RNF217: variants seen among roughly 807,000 people sequenced by gnomAD.
RNF217 encodes the protein ring finger protein 217.
Under a neutral mutation model 57.8 loss-of-function variants are expected in RNF217, and 31 were observed. That is an observed-to-expected ratio of 0.54 (90% CI 0.40 to 0.72). RNF217 has a LOEUF of 0.72. Ranked by LOEUF, RNF217 falls within the 30% of genes least tolerant of loss-of-function variation. The pLI is 0.00. For missense variants in RNF217, 696 were observed against 708.3 expected (o/e 0.98, Z 0.20); for synonymous variants, 313 against 294.0 (o/e 1.06, Z -0.66).
intron 1 of RNF217, among the ~76,000 whole-genome samples, chr6:125,034,555 A>T (rs1181408387): frequency 2.0e-5 from 3 of 151,950 alleles, no homozygotes; most frequent in Non-Finnish European, 4.4e-5. Context: ...ATTGATCTAT[A>T]TCTCTGTTTT....
At chr6:125,052,331 T>TGG (rs553439058) in intron 2 of RNF217, among the ~76,000 whole-genome samples, 4 of 139,364 alleles carry the variant, frequency 2.9e-5, no homozygotes, top group African/African-American at 1.3e-4. Flanking sequence ...GTTTTATTTG[T>TGG]TTTGTTTTGT....
At chr6:125,041,142 A>AATATATATAGC (rs952617887) in intron 1 of RNF217, among the ~76,000 whole-genome samples, 5 of 152,140 alleles carry the variant, frequency 3.3e-5, no homozygotes, top group Non-Finnish European at 7.4e-5. Context: ...ATTAATATAT[A>AATATATATAGC]TTGATCTGTA....
intron 1 of RNF217, among the ~76,000 whole-genome samples, chr6:124,997,199 G>A (rs943252962): frequency 6.6e-6 from 1 of 152,202 alleles, no homozygotes; most frequent in Non-Finnish European, 1.5e-5. Flanking sequence ...TGTTCTGTGT[G>A]ATGATTGAAA....
chr6:125,006,841 C>T (rs768213974), intron 1 of RNF217, among the ~76,000 whole-genome samples: 12 of 152,240 alleles, frequency 7.9e-5, no homozygotes, highest in African/African-American at 2.4e-4. Context: ...CCCAACTACT[C>T]GGGAGGCTGA....
intron 1 of RNF217, among the ~76,000 whole-genome samples, chr6:124,966,711 G>A (rs1449412492): frequency 1.3e-5 from 2 of 152,300 alleles, no homozygotes; most frequent in African/African-American, 4.8e-5. Context: ...TTTTGTAAAA[G>A]GAGATGCACA....
In RNF217 at chr6:125,058,119, T is replaced by G. The variant is rs2114587111; in HGVS notation, c.1281+13T>G. 1.9e-6 allele frequency: 3 copies of G among 1,600,510 alleles called. No homozygotes were observed. In the East Asian group the frequency reaches 6.7e-5, roughly 36 times the overall value. On this transcript the variant is annotated intron_variant, in intron 3 of 5. Transcript: ENST00000521654. ...TCCAAAGTGCAAGGTGAGATAACTT[T>G]TAGGAGGAAAAGAAAAAACATGTAC...
At chr6:125,038,754 A>G (rs898974432) in intron 1 of RNF217, among the ~76,000 whole-genome samples, 4 of 152,140 alleles carry the variant, frequency 2.6e-5, no homozygotes, top group Admixed American at 1.3e-4. Context: ...ACTTTATACT[A>G]TGGACTTTTT....
At chr6:125,061,120 A>G (rs540965523) in intron 3 of RNF217, among the ~76,000 whole-genome samples, 1 of 152,202 alleles carries the variant, frequency 6.6e-6, no homozygotes, top group Non-Finnish European at 1.5e-5. Context: ...ATTATAAATA[A>G]TGTGTTGATG....
intron 4 of RNF217, among the ~76,000 whole-genome samples, chr6:125,078,649 C>G (rs911627455): frequency 1.3e-5 from 2 of 152,172 alleles, no homozygotes; most frequent in East Asian, 1.9e-4. Flanking sequence ...GGGCTCTGCT[C>G]TCAAGATCTA....
At chr6:124,969,897 C>A (rs569825253) in intron 1 of RNF217, among the ~76,000 whole-genome samples, 1 of 151,314 alleles carries the variant, frequency 6.6e-6, no homozygotes, top group East Asian at 1.9e-4. Flanking sequence ...ATATGTTTTA[C>A]GAAGGGATTT....
intron 1 of RNF217, among the ~76,000 whole-genome samples, chr6:125,041,845 C>A (rs1165782642): frequency 3.9e-5 from 6 of 151,984 alleles, no homozygotes; most frequent in South Asian, 2.1e-4. Context: ...CCCATAAAAA[C>A]CACATTTCAC....
At chr6:125,028,034 A>G (rs2246855) in intron 1 of RNF217, among the ~76,000 whole-genome samples, 130,946 of 152,170 alleles carry the variant, frequency 0.86, 56,716 homozygotes, top group East Asian at 1. Context: ...TTAATTTCTT[A>G]TCAGAGGAGT....
rs981211470 is a variant in RNF217 at position 125,083,106 on chromosome 6, A to C, written c.*169A>C. 3.9e-6 allele frequency: 2 copies of C among 515,216 alleles called. No homozygotes were observed. Among genetic ancestry groups the C allele is most frequent in the African/African-American group, 4.0e-5 (2 of 49,826 alleles). 31.9% of individuals were successfully genotyped at this position (515,216 alleles called of 1,614,324 possible). ...CCTCTAGCTATGGTGCACTCCCAACATGGTATCCTGTCCTTTCCCTAAACA... is the reference window on the plus strand; with the variant it reads ...CCTCTAGCTATGGTGCACTCCCAACCTGGTATCCTGTCCTTTCCCTAAACA... On this transcript the variant is annotated 3_prime_UTR_variant, in exon 6 of 6. Coordinates refer to ENST00000521654, the MANE Select transcript of RNF217 (RefSeq NM_001286398.3).
rs1018299550 is a variant in RNF217 at position 125,089,742 on chromosome 6, T to C, written c.*6805T>C. ...TTGTGGCTGGCAAGCTATGCTGTCA[T>C]TGGTTCTCTGCGAATCTGTGATGTG... On this transcript the variant is annotated 3_prime_UTR_variant, in exon 6 of 6. Coordinates refer to ENST00000521654, the MANE Select transcript of RNF217 (RefSeq NM_001286398.3). 2 of 152,168 alleles carry C rather than the reference T, an allele frequency of 1.3e-5. No homozygotes were observed. Among genetic ancestry groups the C allele is most frequent in the African/African-American group, 4.8e-5 (2 of 41,452 alleles). The allele number at this position is 152,168 out of a possible 1,614,324, so 9.4% of individuals were successfully genotyped here.
chr6:125,059,150 A>T (rs1787634337), intron 3 of RNF217, among the ~76,000 whole-genome samples: 1 of 152,220 alleles, frequency 6.6e-6, no homozygotes, highest in Non-Finnish European at 1.5e-5. Flanking sequence ...AAGGAAAAGT[A>T]TTGTATGAAA....
intron 1 of RNF217, among the ~76,000 whole-genome samples, chr6:125,030,192 T>C (rs1786292604): frequency 6.6e-6 from 1 of 152,056 alleles, no homozygotes; most frequent in Non-Finnish European, 1.5e-5. Flanking sequence ...TCCCCCTGGG[T>C]CCCTCCCACA....
intron 1 of RNF217, among the ~76,000 whole-genome samples, chr6:125,038,945 GC>G (rs1229663008): frequency 1.3e-5 from 2 of 151,996 alleles, no homozygotes; most frequent in Non-Finnish European, 1.5e-5. Flanking sequence ...TGGGTACTAA[GC>G]CCCACATGCA....
chr6:125,025,204 G>T (rs961699996), intron 1 of RNF217, among the ~76,000 whole-genome samples: 4 of 152,156 alleles, frequency 2.6e-5, no homozygotes, highest in Non-Finnish European at 1.5e-5. Context: ...TGATAATTTT[G>T]TAGAGAATGA....
intron 2 of RNF217, among the ~76,000 whole-genome samples, chr6:125,048,998 A>C (rs1215365608): frequency 1.3e-5 from 2 of 152,064 alleles, no homozygotes; most frequent in Non-Finnish European, 2.9e-5. Context: ...TTTCATCCAT[A>C]GTATTTCTGT....
Sources: allele counts gnomAD v4.1 joint callset (sites outside exome capture counted in the v4.1 genomes callset), GRCh38; gene constraint gnomAD v4.1.1; transcripts MANE v1.5; gene names NCBI Gene and HGNC (gene_info 2026-07-23, HGNC 2026-07-21).